Variants in HS3ST1 observed in about 807,000 individuals in gnomAD.
The protein encoded by HS3ST1 is heparan sulfate glucosamine 3-O-sulfotransferase 1.
A neutral mutation model predicts 20.7 loss-of-function variants in HS3ST1; 8 were observed. The ratio of observed to expected loss-of-function variants is 0.39; its 90% CI spans 0.23 to 0.70. HS3ST1 has a LOEUF of 0.70. HS3ST1 is among the 30% of genes least tolerant of loss of function. The pLI, the probability that HS3ST1 is intolerant of heterozygous loss-of-function variation, is 0.46. For synonymous variants in HS3ST1, 205 were observed against 190.4 expected, an observed-to-expected ratio of 1.08 and a Z score of -0.63; for missense variants, 436 against 423.4, an observed-to-expected ratio of 1.03 and a Z score of -0.26.
At chr4:11,424,335 C>G (rs146927734) in intron 1 of HS3ST1, among the ~76,000 whole-genome samples, 138 of 152,276 alleles carry the variant, frequency 9.1e-4, no homozygotes, top group African/African-American at 3.2e-3. Flanking sequence ...TTTTCTAGAC[C>G]TCTTGTAGTA....
intron 1 of HS3ST1, among the ~76,000 whole-genome samples, chr4:11,423,243 G>A (rs1455688946): frequency 6.6e-6 from 1 of 151,946 alleles, no homozygotes; most frequent in Non-Finnish European, 1.5e-5. Flanking sequence ...GCAATGCCGG[G>A]TACATGGCAG....
chr4:11,415,023 A>G (rs1718735442), intron 1 of HS3ST1, among the ~76,000 whole-genome samples: 1 of 152,212 alleles, frequency 6.6e-6, no homozygotes, highest in African/African-American at 2.4e-5. Context: ...AACACTGCCA[A>G]TCCAATGAGA....
intron 1 of HS3ST1, among the ~76,000 whole-genome samples, chr4:11,409,922 C>T (rs1577441133): frequency 6.6e-6 from 1 of 152,196 alleles, no homozygotes; most frequent in African/African-American, 2.4e-5. Flanking sequence ...TTGTCAGAGA[C>T]CAGGGACCAG....
chr4:11,410,472 C>A (rs1718591020), intron 1 of HS3ST1, among the ~76,000 whole-genome samples: 1 of 152,172 alleles, frequency 6.6e-6, no homozygotes. Flanking sequence ...AAATGGGGTA[C>A]AAGGAAAGCC....
Position 11,412,847 on chromosome 4 carries a change from A to T in HS3ST1, c.-108-12734T>A, listed in dbSNP as rs1718673991. ...GACTGAATGTTTGTGTCCTTACAAA[A>T]TTAATATGTTAAAATCAAATCCCCA... is the stretch of plus-strand genomic sequence containing the variant. On this transcript the variant is annotated intron_variant, in intron 1 of 1. Transcript: ENST00000002596. Among the ~76,000 whole-genome samples the T allele has an allele frequency of 3.9e-5, 6 of 152,224 alleles. No homozygotes were observed. In the South Asian group the frequency reaches 1.2e-3, roughly 31 times the overall value.
At chr4:11,423,409 G>A (rs1002535352) in intron 1 of HS3ST1, among the ~76,000 whole-genome samples, 3 of 152,222 alleles carry the variant, frequency 2.0e-5, no homozygotes, top group Admixed American at 2.0e-4. Context: ...GTTATGTTGA[G>A]CCAGAGACTG....
intron 1 of HS3ST1, among the ~76,000 whole-genome samples, chr4:11,400,380 G>A (rs1328702235): frequency 1.3e-5 from 2 of 152,196 alleles, no homozygotes; most frequent in African/African-American, 4.8e-5. Flanking sequence ...ACAAGGGAAT[G>A]GGTGTGGTTG....
chr4:11,408,635 G>A (rs897510844), intron 1 of HS3ST1, among the ~76,000 whole-genome samples: 2 of 152,224 alleles, frequency 1.3e-5, no homozygotes, highest in Non-Finnish European at 2.9e-5. Context: ...CTGCATTGCT[G>A]TGCACAGAAG....
rs764624970 is a variant in HS3ST1 at position 11,399,714 on chromosome 4, G to A, written c.292C>T (p.His98Tyr). 35 of 1,613,814 alleles carry A rather than the reference G, an allele frequency of 2.2e-5. No homozygotes were observed. The highest frequency in any genetic ancestry group is 1.8e-4 in the Admixed American group (11 of 60,008). The change falls in exon 2 of 2, where the codon CAC (histidine) becomes TAC (tyrosine). Residue 98 changes from histidine (H) to tyrosine (Y), a missense_variant. By Grantham distance (83) the His-to-Tyr change is moderately conservative. Coordinates refer to ENST00000002596, the MANE Select transcript of HS3ST1 (RefSeq NM_005114.4). This position sits in a 1 kb window ranked among gnomAD's most constrained non-coding sequence, Gnocchi z 5.1. ...TGGCTGAGGTACCAGCCCAAGCCGT[G>A]GCTGTAATGCTCCTCCCAGTCGAAG... ...HFFDWEEHYS[H>Y]GLGWYLSQMP...
At position 11,393,169 on chromosome 4, in the gene HS3ST1, T is replaced by A. The variant is rs1718047598; in HGVS notation, c.*5913A>T. 6.6e-6 allele frequency: 1 copy of A among 152,236 alleles called. No individual in the cohort carries two copies. The highest frequency in any genetic ancestry group is 2.1e-4 in the South Asian group (1 of 4,828). 9.4% of individuals were successfully genotyped at this position (152,236 alleles called of 1,614,324 possible). A position where few individuals can be genotyped will look rare whatever the true frequency, so the allele number is the denominator to read the frequency against. On this transcript the variant is annotated 3_prime_UTR_variant, in exon 2 of 2. Coordinates refer to ENST00000002596, the MANE Select transcript of HS3ST1 (RefSeq NM_005114.4). ...CATGTATTAGTTCTAAGTGGAATAT[T>A]TATCAAACAATAGAAATACAAGATG... is the stretch of plus-strand genomic sequence containing the variant.
intron 1 of HS3ST1, among the ~76,000 whole-genome samples, chr4:11,405,180 C>T (rs777801063): frequency 3.9e-5 from 6 of 152,176 alleles, no homozygotes; most frequent in South Asian, 2.1e-4. Flanking sequence ...AATGAACCTC[C>T]GATGGGTTAA....
intron 1 of HS3ST1, among the ~76,000 whole-genome samples, chr4:11,411,142 GA>G (rs1233324133): frequency 6.6e-6 from 1 of 152,126 alleles, no homozygotes; most frequent in Non-Finnish European, 1.5e-5. Flanking sequence ...AAACATTTAA[GA>G]GAGTGCTTAG....
Position 11,397,623 on chromosome 4 carries a change from C to G in HS3ST1, c.*1459G>C, listed in dbSNP as rs1718177444. 6.6e-6 allele frequency: 1 copy of G among 152,136 alleles called. No individual in the cohort carries two copies. The highest frequency in any genetic ancestry group is 1.5e-5 in the Non-Finnish European group (1 of 68,034). 9.4% of individuals were successfully genotyped at this position (152,136 alleles called of 1,614,324 possible). ...AGCCTGAGTTTATAGTCAATGTGAC[C>G]TTGGGCAAGTTTCTCATGTTCTCTG... is the stretch of plus-strand genomic sequence containing the variant. On this transcript the variant is annotated 3_prime_UTR_variant, in exon 2 of 2. Coordinates refer to ENST00000002596, the MANE Select transcript of HS3ST1 (RefSeq NM_005114.4).
At chr4:11,402,557 GTGTC>G (rs1450806514) in intron 1 of HS3ST1, among the ~76,000 whole-genome samples, 8 of 152,232 alleles carry the variant, frequency 5.3e-5, no homozygotes, top group East Asian at 1.9e-4. Flanking sequence ...ATGCTTGAGT[GTGTC>G]TGTATGTGTA....
chr4:11,425,692 T>TTTACAATTGCACAAGTGTTC (rs1325274936), intron 1 of HS3ST1, among the ~76,000 whole-genome samples: 13 of 152,226 alleles, frequency 8.5e-5, no homozygotes, highest in Admixed American at 8.5e-4. Flanking sequence ...TTTTTTACCC[T>TTTACAATTGCACAAGTGTTC]TTACAATTGC....
At position 11,393,320 on chromosome 4, in the gene HS3ST1, C is replaced by G. The variant is rs934061537; in HGVS notation, c.*5762G>C. The stretch of plus-strand genomic sequence containing the variant: ...GTAGTCCGATAAGCTAATAAAAGAG[C>G]CTACTACTTGGTAACAATTTCAGCC... On this transcript the variant is annotated 3_prime_UTR_variant, in exon 2 of 2. Coordinates refer to ENST00000002596, the MANE Select transcript of HS3ST1 (RefSeq NM_005114.4). 6.6e-6 allele frequency: 1 copy of G among 152,178 alleles called. No homozygotes were observed. The highest frequency in any genetic ancestry group is 2.4e-5 in the African/African-American group (1 of 41,438). 9.4% of individuals were successfully genotyped at this position (152,178 alleles called of 1,614,324 possible).
At chr4:11,424,958 A>T (rs1271813526) in intron 1 of HS3ST1, among the ~76,000 whole-genome samples, 2 of 152,094 alleles carry the variant, frequency 1.3e-5, no homozygotes, top group African/African-American at 4.8e-5. Context: ...GAGTCTGAAG[A>T]GAGAGGGCAC....
At chr4:11,421,848 G>A (rs1315371230) in intron 1 of HS3ST1, among the ~76,000 whole-genome samples, 2 of 152,308 alleles carry the variant, frequency 1.3e-5, no homozygotes, top group African/African-American at 2.4e-5. Context: ...CCCTGGATCC[G>A]GAGTCTGCCA....
At chr4:11,425,750 C>T (rs1208437996) in intron 1 of HS3ST1, among the ~76,000 whole-genome samples, 1 of 152,052 alleles carries the variant, frequency 6.6e-6, no homozygotes, top group African/African-American at 2.4e-5. Context: ...CATTTTCTCA[C>T]TTTCTTATAA....
Sources: allele counts gnomAD v4.1 joint callset (sites outside exome capture counted in the v4.1 genomes callset), GRCh38; gene constraint gnomAD v4.1.1; non-coding constraint Gnocchi (gnomAD v3.1); transcripts MANE v1.5; gene names NCBI Gene and HGNC (gene_info 2026-07-23, HGNC 2026-07-21).